ZMYM6: variants seen among roughly 807,000 people sequenced by gnomAD.
ZMYM6 encodes the protein zinc finger MYM-type protein 6.
Under a neutral mutation model 134.0 loss-of-function variants are expected in ZMYM6, and 90 were observed. That is an observed-to-expected ratio of 0.67 (90% CI 0.57 to 0.80). ZMYM6 has a LOEUF of 0.80. Ranked by LOEUF, ZMYM6 falls within the 30% of genes least tolerant of loss-of-function variation. The pLI is 0.00. For synonymous variants in ZMYM6, 481 were observed against 524.1 expected (o/e 0.92, Z 1.12); for missense variants, 1,362 against 1,533.9 (o/e 0.89, Z 1.87).
intron 6 of ZMYM6, chr1:35,013,677 C>T (rs1386503708): frequency 6.1e-6 from 6 of 983,776 alleles, no homozygotes; most frequent in Non-Finnish European, 6.0e-6. Flanking sequence ...CAAGATACAT[C>T]TTTGTTTTTT....
At chr1:35,016,571 G>A (rs577017290) in intron 4 of ZMYM6, among the ~76,000 whole-genome samples, 1 of 152,148 alleles carries the variant, frequency 6.6e-6, no homozygotes, top group Non-Finnish European at 1.5e-5. Flanking sequence ...CACTAGTGCA[G>A]GCCACAAAGT....
intron 6 of ZMYM6, 27 bp from the exon 7 acceptor site, chr1:35,012,608 C>A: frequency 1.9e-6 from 3 of 1,609,768 alleles, no homozygotes; most frequent in South Asian, 1.1e-5. Flanking sequence ...ACATTAGATA[C>A]CTAGTACAAA....
intron 2 of ZMYM6, among the ~76,000 whole-genome samples, chr1:35,021,853 T>C (rs1641315603): frequency 6.6e-6 from 1 of 152,216 alleles, no homozygotes; most frequent in African/African-American, 2.4e-5. Context: ...ATTTTTAAAA[T>C]GTAAATGCCT....
At position 35,030,615 on chromosome 1, in the gene ZMYM6, A is replaced by T. The variant is rs763441011; in HGVS notation, c.25T>A (p.Cys9Ser). ...TGCTGTGGTACCACTGCTTTGCCAC[A>T]TTCACCATCCAAAGGTTCTTTCATT... MKEPLDGE[C>S]GKAVVPQQEL... Residue 9 changes from cysteine to serine, a missense_variant, in exon 2 of 16, where the codon TGT becomes AGT. Physicochemically the swap from Cys to Ser is moderately radical, Grantham distance 112 (BLOSUM62 -1). This residue lies in a region of ZMYM6 where 503 missense variants were observed against 520.8 expected (regional missense o/e 0.97). Transcript: ENST00000357182. 1 of 1,613,762 alleles carries T rather than the reference A, an allele frequency of 6.2e-7. No homozygotes were observed. The highest frequency in any genetic ancestry group is 1.7e-5 in the Admixed American group (1 of 59,914).
intron 13 of ZMYM6, among the ~76,000 whole-genome samples, chr1:35,004,601 T>C (rs575368397): frequency 6.7e-6 from 1 of 149,458 alleles, no homozygotes; most frequent in Admixed American, 6.7e-5. Context: ...ACAGTAAGAC[T>C]CCGTCTCAAA....
At chr1:34,997,631 A>G (rs1439428926) in intron 14 of ZMYM6, among the ~76,000 whole-genome samples, 1 of 152,128 alleles carries the variant, frequency 6.6e-6, no homozygotes, top group Non-Finnish European at 1.5e-5. Flanking sequence ...ATATTAAAAA[A>G]CACTAGATTT....
chr1:35,019,300 A>G (rs757128182), intron 4 of ZMYM6, 53 bp downstream of exon 4: 2 of 1,610,762 alleles, frequency 1.2e-6, no homozygotes, highest in South Asian at 2.2e-5. Flanking sequence ...GAACTAAACA[A>G]TATACACACT....
Position 34,987,696 on chromosome 1 carries a change from C to T in ZMYM6, c.3386G>A (p.Ser1129Asn). 6.4e-7 allele frequency: 1 copy of T among 1,550,632 alleles called. No individual in the cohort carries two copies. The highest frequency in any genetic ancestry group is 1.4e-5 in the African/African-American group (1 of 73,042). Residue 1129 changes from serine to asparagine, a missense_variant, in exon 16 of 16, where the codon AGT (serine) becomes AAT (asparagine). Around this residue, in one of 3 missense-constraint regions of ZMYM6, gnomAD observed 824 missense variants for 940.9 expected, o/e 0.88. Coordinates refer to ENST00000357182, the MANE Select transcript of ZMYM6 (RefSeq NM_007167.4). Reference sequence around the variant, plus strand: ...GAAAGTAGTCAAAGTTCCTTGGAGACTTAAATTTAATTCATTTATAAGTGA... The same window carrying T: ...GAAAGTAGTCAAAGTTCCTTGGAGATTTAAATTTAATTCATTTATAAGTGA... Reference protein sequence around the residue: ...IFSLINELNLSLQGTLTTFFN... With the variant: ...IFSLINELNLNLQGTLTTFFN...
chr1:35,026,689 T>C (rs1361316815), intron 2 of ZMYM6, among the ~76,000 whole-genome samples: 1 of 152,220 alleles, frequency 6.6e-6, no homozygotes, highest in African/African-American at 2.4e-5. Flanking sequence ...GAAAGAAATA[T>C]TGCATCTGGA....
intron 11 of ZMYM6, among the ~76,000 whole-genome samples, chr1:35,007,615 G>C (rs1641008677): frequency 6.6e-6 from 1 of 151,732 alleles, no homozygotes; most frequent in African/African-American, 2.4e-5. Context: ...ATGCTCTTCT[G>C]TTTTCAAAAT....
In ZMYM6 at chr1:35,031,828, C is replaced by T. The variant is rs1167322255; in HGVS notation, c.-88G>A. ...GGCCGCACCCACCTTCTGTCGCCTC[C>T]CTGCTACCGGAGGAGCACTGGAATA... On this transcript the variant is annotated 5_prime_UTR_variant, in exon 1 of 16. Transcript: ENST00000357182. 6.6e-6 allele frequency: 1 copy of T among 152,490 alleles called. No individual in the cohort carries two copies. The highest frequency in any genetic ancestry group is 1.5e-5 in the Non-Finnish European group (1 of 68,208). The allele number at this position is 152,490 out of a possible 1,614,324, so 9.4% of individuals were successfully genotyped here. A position where few individuals can be genotyped will look rare whatever the true frequency, so the allele number is the denominator to read the frequency against.
chr1:34,992,756 ATACT>A (rs1344201936), intron 14 of ZMYM6, among the ~76,000 whole-genome samples: 1 of 143,064 alleles, frequency 7.0e-6, no homozygotes, highest in East Asian at 2.0e-4. Context: ...ATATAAAAAT[ATACT>A]TATAAACTAT....
intron 6 of ZMYM6, chr1:35,013,063 T>C: frequency 1.1e-6 from 1 of 921,040 alleles, no homozygotes; most frequent in Non-Finnish European, 1.3e-6. Flanking sequence ...CTGAGTTTCA[T>C]AATAAAATCT....
intron 10 of ZMYM6, among the ~76,000 whole-genome samples, chr1:35,010,167 G>A (rs535561302): frequency 6.6e-6 from 1 of 152,034 alleles, no homozygotes; most frequent in East Asian, 1.9e-4. Flanking sequence ...GCGGCACCAT[G>A]CCCGGCTAAT....
chr1:35,018,081 A>G (rs1297038692), intron 4 of ZMYM6: 1 of 152,200 alleles, frequency 6.6e-6, no homozygotes, highest in Non-Finnish European at 1.5e-5. Context: ...GTGATGGCTC[A>G]CACCAATAGT....
intron 9 of ZMYM6, 52 bp downstream of exon 9, chr1:35,010,706 G>A: frequency 6.5e-7 from 1 of 1,537,840 alleles, no homozygotes; most frequent in Non-Finnish European, 8.7e-7. Context: ...AAACACAAAA[G>A]TGTTTCTACT....
chr1:35,012,845 AGTC>A, intron 6 of ZMYM6: 1 of 985,450 alleles, frequency 1.0e-6, no homozygotes, highest in Non-Finnish European at 1.2e-6. Context: ...TGAATTAAAT[AGTC>A]ATTACATACT....
rs148506485 is a variant in ZMYM6, at chr1:34,990,955, C to T, written c.2146+1279G>A. On this transcript the variant is annotated intron_variant, in intron 15 of 15. Transcript: ENST00000357182. Reference sequence around the variant, plus strand: ...TCTCAGCTCACCGCAACCTCTACCTCCCAGGTTCAAGCGATTCTCCTTCCT... The same window carrying T: ...TCTCAGCTCACCGCAACCTCTACCTTCCAGGTTCAAGCGATTCTCCTTCCT... Among the ~76,000 whole-genome samples, 852 of 152,298 alleles carry T rather than the reference C, an allele frequency of 5.6e-3. 6 individuals carry two copies. Among genetic ancestry groups the T allele is most frequent in the African/African-American group, 0.019 (810 of 41,550 alleles).
In ZMYM6 at chr1:35,008,889, G is replaced by A. The variant is rs1373039258; in HGVS notation, c.1528C>T (p.Arg510Ter). ...CACATCTTACAGTAGTTTCCCCATC[G>A]TTCTCCAAAGTCACGGGCAGAGAGG... ...KFLSARDFGE[R>*]WGNYCKMCSY... Residue 510 changes from arginine (R) to a stop codon, truncating the protein, a stop_gained, in exon 11 of 16, where the codon CGA (arginine) becomes TGA (stop). Transcript: ENST00000357182. LOFTEE classifies it high-confidence loss of function. 3 of 1,613,130 alleles carry A rather than the reference G, an allele frequency of 1.9e-6. No homozygotes were observed. The highest frequency in any genetic ancestry group is 1.7e-6 in the Non-Finnish European group (2 of 1,179,688).
Sources: gnomAD v4.1 joint callset for allele counts (sites outside exome capture counted in the v4.1 genomes callset) on GRCh38, gnomAD v4.1.1 for gene constraint, gnomAD v4.1.1 regional missense constraint, MANE v1.5 for transcripts, NCBI Gene and HGNC (gene_info 2026-07-23, HGNC 2026-07-21) for gene names.